The following PDK1 variants were observed in gnomAD, a reference collection of about 807,000 sequenced individuals.
PDK1 encodes pyruvate dehydrogenase kinase 1, also known as [Pyruvate dehydrogenase (acetyl-transferring)] kinase isozyme 1, mitochondrial.
In PDK1, 39 loss-of-function variants were observed where a neutral mutation model predicts 54.2. The ratio of observed to expected loss-of-function variants is 0.72; its 90% CI spans 0.56 to 0.94. The LOEUF (loss-of-function observed/expected upper bound fraction) is 0.94, where lower values mean the gene tolerates loss of function less well. Ranked by LOEUF, PDK1 falls within the 40% of genes least tolerant of loss-of-function variation. The pLI is 0.00. For synonymous variants in PDK1, 221 were observed against 207.1 expected (o/e 1.07, Z -0.58); for missense variants, 552 against 566.0 (o/e 0.98, Z 0.25).
the PDK1 span, among the ~76,000 whole-genome samples, chr2:172,656,455 C>T: frequency 2.6e-5 from 4 of 152,168 alleles, no homozygotes; most frequent in Non-Finnish European, 1.5e-5. Context: ...CCCCCATGCT[C>T]CTCCCTTAGA....
At chr2:172,656,027 G>A in the PDK1 span, among the ~76,000 whole-genome samples, 6 of 152,146 alleles carry the variant, frequency 3.9e-5, no homozygotes, top group African/African-American at 1.4e-4. Flanking sequence ...GATCTTTATA[G>A]TTTGTCCTCC....
At chr2:172,590,770 T>G (rs1296895177) in intron 9 of PDK1, among the ~76,000 whole-genome samples, 1 of 151,508 alleles carries the variant, frequency 6.6e-6, no homozygotes, top group Non-Finnish European at 1.5e-5. Flanking sequence ...GTCCTGCTGA[T>G]TGGTCCATTT....
chr2:172,655,160 T>G, the PDK1 span, among the ~76,000 whole-genome samples: 1 of 152,182 alleles, frequency 6.6e-6, no homozygotes. Context: ...GTGGCTGGAG[T>G]CAGCAGGCTT....
chr2:172,570,610 T>G (rs1689193667), intron 7 of PDK1, 116 bp from the exon 8 acceptor site: 1 of 530,048 alleles, frequency 1.9e-6, no homozygotes, highest in East Asian at 3.1e-5. Context: ...AGAATTGTGA[T>G]TCTTTGGCAT....
At chr2:172,585,629 T>C (rs959512664) in intron 8 of PDK1, among the ~76,000 whole-genome samples, 1 of 152,086 alleles carries the variant, frequency 6.6e-6, no homozygotes, top group Non-Finnish European at 1.5e-5. Flanking sequence ...TTGCTTCTAG[T>C]CACCATGCTG....
the PDK1 span, among the ~76,000 whole-genome samples, chr2:172,658,909 C>G: frequency 3.9e-5 from 6 of 152,268 alleles, no homozygotes; most frequent in South Asian, 8.3e-4. Context: ...AACATAGACC[C>G]TTATCAGGAG....
chr2:172,596,582 A>G lies in PDK1; in HGVS notation c.*613A>G, dbSNP rs1223389086. The G allele has an allele frequency of 1.3e-5, 2 of 152,232 alleles. No homozygotes were observed. The highest frequency in any genetic ancestry group is 2.9e-5 in the Non-Finnish European group (2 of 68,060). 9.4% of individuals were successfully genotyped at this position (152,232 alleles called of 1,614,324 possible). On this transcript the variant is annotated 3_prime_UTR_variant, in exon 11 of 11. Transcript: ENST00000282077. The stretch of plus-strand genomic sequence containing the variant: ...AAGTGTAATGACTAGCTCTCTGTGG[A>G]TCTATGCCAAAATCATGGGCCATCT...
rs1691244809 is a variant in PDK1, at chr2:172,605,151, C to T, written c.*9182C>T. The T allele has an allele frequency of 6.6e-6, 1 of 152,298 alleles. No homozygotes were observed. Among genetic ancestry groups the T allele is most frequent in the Middle Eastern group, 3.4e-3 (1 of 294 alleles). 9.4% of individuals were successfully genotyped at this position (152,298 alleles called of 1,614,324 possible). ...CCTTGGCATCTTACCCCAGCCCATCCATTGGGTTGTGTCAGTCTTTTATTT... is the reference window on the plus strand; with the variant it reads ...CCTTGGCATCTTACCCCAGCCCATCTATTGGGTTGTGTCAGTCTTTTATTT... On this transcript the variant is annotated 3_prime_UTR_variant, in exon 11 of 11. Transcript: ENST00000282077.
intron 1 of PDK1, among the ~76,000 whole-genome samples, chr2:172,557,646 T>TGTGTGTGTGTGTG (rs1558921740): frequency 1.4e-5 from 2 of 142,206 alleles, no homozygotes; most frequent in African/African-American, 5.2e-5. Context: ...TGTGTGTGTG[T>TGTGTGTGTGTGTG]ATTTTTTTTT....
the PDK1 span, among the ~76,000 whole-genome samples, chr2:172,626,531 C>T: frequency 1.3e-5 from 2 of 152,138 alleles, no homozygotes; most frequent in Admixed American, 6.5e-5. Flanking sequence ...CAGTGGCTCA[C>T]ACCTGTAATC....
the PDK1 span, among the ~76,000 whole-genome samples, chr2:172,618,429 A>C: frequency 6.6e-6 from 1 of 152,260 alleles, no homozygotes. Context: ...CAAGCAATAA[A>C]GATTAAAACA....
Position 172,563,869 on chromosome 2 carries a change from G to A in PDK1, c.411-634G>A, listed in dbSNP as rs542372345. Reference sequence around the variant, plus strand: ...AAAGACTTATTTTCTCTTTTATTTAGTTATTTAACCATGCAGTGTCTTCTA... The same window carrying A: ...AAAGACTTATTTTCTCTTTTATTTAATTATTTAACCATGCAGTGTCTTCTA... On this transcript the variant is annotated intron_variant, in intron 3 of 10. Transcript: ENST00000282077. Among the ~76,000 whole-genome samples, 6 of 152,096 alleles carry A rather than the reference G, an allele frequency of 3.9e-5. No individual in the cohort carries two copies. In the South Asian group the frequency reaches 1.2e-3, roughly 32 times the overall value.
At chr2:172,564,933 TA>T (rs1168082601) in intron 4 of PDK1, 44 bp from the exon 5 acceptor site, 3 of 1,248,122 alleles carry the variant, frequency 2.4e-6, no homozygotes, top group Non-Finnish European at 3.5e-6. Context: ...AAAAGAGCAT[TA>T]GGTGGTTTAG....
the PDK1 span, among the ~76,000 whole-genome samples, chr2:172,671,965 G>A: frequency 6.6e-6 from 1 of 152,154 alleles, no homozygotes; most frequent in East Asian, 1.9e-4. Flanking sequence ...TAATTGGATA[G>A]GAGAGAGAAA....
intron 2 of PDK1, among the ~76,000 whole-genome samples, chr2:172,560,355 TG>T (rs970889376): frequency 1.3e-5 from 2 of 152,082 alleles, no homozygotes; most frequent in Non-Finnish European, 2.9e-5. Flanking sequence ...TTTGTAGAGA[TG>T]GGGGTCTCAC....
chr2:172,626,605 A>C, the PDK1 span, among the ~76,000 whole-genome samples: 1 of 152,100 alleles, frequency 6.6e-6, no homozygotes, highest in Non-Finnish European at 1.5e-5. Flanking sequence ...ACCAGCCTGG[A>C]CAACATGGTG....
the PDK1 span, among the ~76,000 whole-genome samples, chr2:172,678,151 C>A: frequency 1.3e-5 from 2 of 152,176 alleles, no homozygotes; most frequent in South Asian, 2.1e-4. Flanking sequence ...GCCTGGGTGA[C>A]AGAGGGAGAC....
chr2:172,660,369 G>A, the PDK1 span, among the ~76,000 whole-genome samples: 2 of 140,678 alleles, frequency 1.4e-5, no homozygotes, highest in African/African-American at 5.3e-5. Flanking sequence ...CAATTCTCCT[G>A]CCTCAGCCTC....
chr2:172,570,802 G>T lies in PDK1; in HGVS notation c.923G>T (p.Gly308Val), dbSNP rs748707861. Residue 308 changes from glycine to valine, a missense_variant, in exon 8 of 11, where the codon GGT (glycine) becomes GTT (valine). Gly to Val is a moderately radical substitution (Grantham distance 109). Transcript: ENST00000282077. ...CCTATTCAAGTTCATGTCACGCTGG[G>T]TAATGAGGATTTGACTGTGAAGGTA... ...YPPIQVHVTLGNEDLTVKMSD... is the reference protein window; with the variant it reads ...YPPIQVHVTLVNEDLTVKMSD... The T allele has an allele frequency of 2.5e-6, 4 of 1,605,680 alleles. No individual in the cohort carries two copies. The Admixed American group carries it at 6.7e-5, about 27-fold the overall frequency.
Sources: allele counts gnomAD v4.1 joint callset (sites outside exome capture counted in the v4.1 genomes callset), GRCh38; gene constraint gnomAD v4.1.1; transcripts MANE v1.5; gene names NCBI Gene and HGNC (gene_info 2026-07-23, HGNC 2026-07-21).